The following ANKRD30A variants were observed in gnomAD, a reference collection of about 807,000 sequenced individuals.
ANKRD30A encodes the protein ankyrin repeat domain-containing protein 30A.
In ANKRD30A, 170 loss-of-function variants were observed where a neutral mutation model predicts 166.3. That is an observed-to-expected ratio of 1.02 (90% CI 0.90 to 1.16). The LOEUF (loss-of-function observed/expected upper bound fraction) is 1.16, where lower values mean the gene tolerates loss of function less well. ANKRD30A is among the 50% of genes most tolerant of loss of function. The pLI, the probability that ANKRD30A is intolerant of heterozygous loss-of-function variation, is 0.00. For missense variants in ANKRD30A, 1,630 were observed against 1,518.0 expected (o/e 1.07, Z -1.23); for synonymous variants, 564 against 508.9 (o/e 1.11, Z -1.46).
chr10:37,159,928 T>C (rs1311121675), intron 15 of ANKRD30A, among the ~76,000 whole-genome samples: 15 of 152,164 alleles, frequency 9.9e-5, no homozygotes, highest in Non-Finnish European at 2.2e-4. Context: ...CCGGATCTCC[T>C]GACCTTGTGA....
chr10:37,126,342 A>G (rs1277940994), intron 1 of ANKRD30A, among the ~76,000 whole-genome samples: 6 of 152,244 alleles, frequency 3.9e-5, no homozygotes, highest in African/African-American at 1.4e-4. Context: ...AAGTACATAC[A>G]GGGTTTTACA....
chr10:37,240,014 A>G, the ANKRD30A span, among the ~76,000 whole-genome samples: 2 of 152,094 alleles, frequency 1.3e-5, no homozygotes, highest in Non-Finnish European at 2.9e-5. Flanking sequence ...TTCAATTCAG[A>G]TTTATTAATT....
chr10:37,201,346 A>G, intron 31 of ANKRD30A, 21 bp downstream of exon 31: 3 of 1,520,490 alleles, frequency 2.0e-6, no homozygotes, highest in Non-Finnish European at 1.8e-6. Context: ...TCTTTTATTT[A>G]AAAGGTCATT....
intron 7 of ANKRD30A, among the ~76,000 whole-genome samples, chr10:37,144,369 G>A (rs2486108): frequency 0.53 from 80,320 of 151,946 alleles, 21,608 homozygotes; most frequent in Non-Finnish European, 0.57. Context: ...GATTCTGAAG[G>A]TATTGTTGCA....
chr10:37,159,271 T>G (rs117578120), intron 15 of ANKRD30A, among the ~76,000 whole-genome samples: 9,194 of 152,166 alleles, frequency 0.06, 393 homozygotes, highest in Middle Eastern at 0.11. Flanking sequence ...AATCCTAGCA[T>G]TTTGGGAGAC....
the ANKRD30A span, among the ~76,000 whole-genome samples, chr10:37,252,307 A>G: frequency 6.6e-6 from 1 of 152,222 alleles, no homozygotes; most frequent in Non-Finnish European, 1.5e-5. Flanking sequence ...ATACTTATAT[A>G]TAGGCATGAA....
At chr10:37,201,169 A>G in intron 30 of ANKRD30A, 66 bp from the exon 31 acceptor site, 2 of 1,292,468 alleles carry the variant, frequency 1.5e-6, no homozygotes, top group Non-Finnish European at 2.1e-6. Flanking sequence ...TTAATTAGGA[A>G]ATTTTGATAA....
chr10:37,139,340 C>G (rs1290410607), intron 6 of ANKRD30A, among the ~76,000 whole-genome samples: 1 of 152,176 alleles, frequency 6.6e-6, no homozygotes, highest in Non-Finnish European at 1.5e-5. Context: ...GCAGCCACAG[C>G]CCTGGCTAGC....
At chr10:37,131,793 T>C (rs979390369) in intron 3 of ANKRD30A, among the ~76,000 whole-genome samples, 19 of 152,248 alleles carry the variant, frequency 1.2e-4, no homozygotes, top group African/African-American at 4.3e-4. Context: ...TAATATTTCT[T>C]GAACATAGAT....
At chr10:37,251,055 A>G in the ANKRD30A span, among the ~76,000 whole-genome samples, 1 of 152,168 alleles carries the variant, frequency 6.6e-6, no homozygotes, top group African/African-American at 2.4e-5. Flanking sequence ...CTTTATCACT[A>G]ACACGTGGGT....
intron 1 of ANKRD30A, among the ~76,000 whole-genome samples, chr10:37,127,361 A>G (rs1878250): frequency 0.44 from 66,588 of 151,872 alleles, 15,117 homozygotes; most frequent in South Asian, 0.7. Context: ...GCCTATTTAC[A>G]CAGATACATT....
rs575942599 is a variant in ANKRD30A at position 37,126,003 on chromosome 10, G to A, written c.216G>A (p.Gln72=). Residue 72 remains glutamine, a synonymous_variant, in exon 1 of 36, where the codon CAG becomes CAA. Coordinates refer to ENST00000361713, the MANE Select transcript of ANKRD30A (RefSeq NM_052997.3). ...TCAACCTTAATATACAAGACGCCCA[G>A]AAGAGGTACCAGGCCCTGCCTGAGC... is the stretch of plus-strand genomic sequence containing the variant. ...KTINLNIQDA[Q]KRTALHWACV... The A allele has an allele frequency of 6.3e-7, 1 of 1,596,988 alleles. No individual in the cohort carries two copies. Among genetic ancestry groups the A allele is most frequent in the African/African-American group, 1.3e-5 (1 of 74,512 alleles).
rs141378287 is a variant in ANKRD30A, at chr10:37,231,466, A to G, written c.4191A>G (p.Ser1397=). ...TCCTTTTGCAATCTTCACAGAACTC[A>G]TGAGAGACAAGCAGTAAGAAACTTC... ...YEKEKAETEN[S] Residue 1397 remains serine (S), a synonymous_variant, in exon 35 of 36, where the codon TCA becomes TCG. Transcript: ENST00000361713. The G allele has an allele frequency of 1.4e-5, 23 of 1,588,060 alleles. No homozygotes were observed. The highest frequency in any genetic ancestry group is 8.1e-5 in the African/African-American group (6 of 73,862).
chr10:37,254,918 G>A, the ANKRD30A span, among the ~76,000 whole-genome samples: 1 of 151,942 alleles, frequency 6.6e-6, no homozygotes, highest in African/African-American at 2.4e-5. Context: ...TCTTGACCTC[G>A]TGATCTGCCC....
chr10:37,142,570 CTTTTTTTTTTTTTTTT>C (rs869026268), intron 7 of ANKRD30A, among the ~76,000 whole-genome samples: 2 of 78,982 alleles, frequency 2.5e-5, no homozygotes, highest in Admixed American at 1.6e-4. Context: ...TAGGATCACA[CTTTTTTTTTTTTTTTT>C]TTTTTTTTTT....
chr10:37,219,926 C>T (rs1398025247), intron 34 of ANKRD30A, 29 bp downstream of exon 34: 6 of 1,404,848 alleles, frequency 4.3e-6, no homozygotes, highest in Non-Finnish European at 5.6e-6. Flanking sequence ...AAATACTTGT[C>T]AAACTTCCTG....
intron 9 of ANKRD30A, among the ~76,000 whole-genome samples, chr10:37,148,055 A>G (rs1837637809): frequency 7.1e-6 from 1 of 139,992 alleles, no homozygotes; most frequent in South Asian, 2.3e-4. Flanking sequence ...TATCATATAC[A>G]CTCAGTATAG....
At chr10:37,196,735 A>T (rs1490138079) in intron 27 of ANKRD30A, among the ~76,000 whole-genome samples, 1 of 152,128 alleles carries the variant, frequency 6.6e-6, no homozygotes, top group Non-Finnish European at 1.5e-5. Flanking sequence ...AAAGCAGAGG[A>T]TACAGAAATA....
intron 9 of ANKRD30A, among the ~76,000 whole-genome samples, chr10:37,148,256 A>G (rs1347364978): frequency 6.6e-6 from 1 of 152,110 alleles, no homozygotes; most frequent in Non-Finnish European, 1.5e-5. Flanking sequence ...GCAATTGGAT[A>G]AAAGGATAAG....
Sources: allele counts gnomAD v4.1 joint callset (sites outside exome capture counted in the v4.1 genomes callset), GRCh38; gene constraint gnomAD v4.1.1; transcripts MANE v1.5; gene names NCBI Gene and HGNC (gene_info 2026-07-23, HGNC 2026-07-21).